The following ENOX2 variants were observed in gnomAD, a reference collection of about 807,000 sequenced individuals.
ENOX2 encodes ecto-NOX disulfide-thiol exchanger 2.
In ENOX2, 36 loss-of-function variants were observed where a neutral mutation model predicts 45.0. The ratio of observed to expected loss-of-function variants is 0.80; its 90% confidence interval spans 0.61 to 1.06. ENOX2 has a LOEUF of 1.06. Among genes scored for constraint, ENOX2 ranks in the 50% least tolerant of loss-of-function variants. The pLI is 0.00. For synonymous variants in ENOX2, 174 were observed against 152.3 expected, an observed-to-expected ratio of 1.14 and a Z score of -1.05; for missense variants, 423 against 462.5, an observed-to-expected ratio of 0.91 and a Z score of 0.78.
chrX:130,851,371 T>A (rs2148518130), intron 2 of ENOX2, among the ~76,000 whole-genome samples: 1 of 111,392 alleles, frequency 9.0e-6, no homozygotes, highest in South Asian at 3.8e-4. Flanking sequence ...CAGGCAGATG[T>A]CACCATGCCT....
intron 2 of ENOX2, among the ~76,000 whole-genome samples, chrX:130,795,039 T>C (rs1279082491): frequency 8.9e-6 from 1 of 112,310 alleles, no homozygotes; most frequent in Non-Finnish European, 1.9e-5. Context: ...TCACTAATGT[T>C]CTGGAATTAT....
chrX:130,627,742 A>G (rs1317289381), intron 14 of ENOX2, among the ~76,000 whole-genome samples: 2 of 112,171 alleles, frequency 1.8e-5, no homozygotes, highest in East Asian at 5.6e-4. Flanking sequence ...GAAAATCTCA[A>G]GTCCCAGGAA....
At chrX:130,721,685 A>G (rs1172646365) in intron 3 of ENOX2, among the ~76,000 whole-genome samples, 4 of 111,969 alleles carry the variant, frequency 3.6e-5, no homozygotes, top group Non-Finnish European at 7.5e-5. Flanking sequence ...ACAGTGGGGC[A>G]GCACTGTTAC....
At chrX:130,849,630 T>C (rs1055224851) in intron 2 of ENOX2, among the ~76,000 whole-genome samples, 9 of 111,927 alleles carry the variant, frequency 8.0e-5, no homozygotes, top group East Asian at 2.8e-4. Context: ...CATGGAACAG[T>C]TGTGAAGCAG....
chrX:130,648,074 A>C (rs775790871), intron 10 of ENOX2, among the ~76,000 whole-genome samples: 1 of 112,394 alleles, frequency 8.9e-6, no homozygotes, highest in Admixed American at 9.5e-5. Context: ...ATGTATAAGA[A>C]AGTTAAAAGG....
At chrX:130,639,613 G>A (rs1265314675) in intron 10 of ENOX2, among the ~76,000 whole-genome samples, 2 of 111,869 alleles carry the variant, frequency 1.8e-5, no homozygotes, top group Non-Finnish European at 3.8e-5. Flanking sequence ...CTCAGATATG[G>A]AAGAGATGTT....
intron 2 of ENOX2, among the ~76,000 whole-genome samples, chrX:130,811,671 A>AATC (rs1160342663): frequency 8.9e-6 from 1 of 112,634 alleles, no homozygotes; most frequent in African/African-American, 3.2e-5. Flanking sequence ...AAGGAAATAC[A>AATC]ATCCCACCAA....
intron 2 of ENOX2, among the ~76,000 whole-genome samples, chrX:130,872,483 C>T (rs915585889): frequency 8.9e-6 from 1 of 111,985 alleles, no homozygotes; most frequent in Non-Finnish European, 1.9e-5. Flanking sequence ...ATGTTTAATA[C>T]TTACAAAGTA....
intron 5 of ENOX2, among the ~76,000 whole-genome samples, chrX:130,682,798 C>G (rs1447755914): frequency 9.1e-6 from 1 of 110,095 alleles, no homozygotes; most frequent in Non-Finnish European, 1.9e-5. Context: ...TAGGGGTATG[C>G]CACCAAGCAG....
intron 2 of ENOX2, among the ~76,000 whole-genome samples, chrX:130,887,013 A>G (rs774282404): frequency 8.9e-6 from 1 of 112,128 alleles, no homozygotes; most frequent in South Asian, 3.7e-4. Flanking sequence ...CGGGACTACC[A>G]GTTTAACAGA....
chrX:130,900,905 G>A (rs992871035), intron 2 of ENOX2, among the ~76,000 whole-genome samples: 1 of 112,069 alleles, frequency 8.9e-6, no homozygotes, highest in African/African-American at 3.3e-5. Flanking sequence ...AACACTTCAC[G>A]TGGGCAGAGG....
intron 12 of ENOX2, among the ~76,000 whole-genome samples, chrX:130,634,356 T>C (rs955396911): frequency 3.6e-5 from 4 of 111,916 alleles, no homozygotes; most frequent in African/African-American, 9.7e-5. Context: ...ACCTGATTCA[T>C]GGTTGTGATA....
chrX:130,749,183 G>A (rs1476052527), intron 3 of ENOX2, among the ~76,000 whole-genome samples: 1 of 111,842 alleles, frequency 8.9e-6, no homozygotes, highest in African/African-American at 3.3e-5. Flanking sequence ...GACATTTAAA[G>A]TGAAATGCCT....
intron 3 of ENOX2, among the ~76,000 whole-genome samples, chrX:130,723,121 G>T (rs1236708036): frequency 1.8e-5 from 2 of 112,364 alleles, no homozygotes; most frequent in Non-Finnish European, 3.8e-5. Flanking sequence ...CCAGTTGGTG[G>T]TAGGAAGTCT....
chrX:130,779,441 C>T (rs2039925509), intron 3 of ENOX2, among the ~76,000 whole-genome samples: 1 of 111,597 alleles, frequency 9.0e-6, no homozygotes, highest in Admixed American at 9.5e-5. Context: ...CTATCAGTTT[C>T]CCTTGGGCAC....
At chrX:130,646,025 T>C (rs1309080614) in intron 10 of ENOX2, 1 of 575,090 alleles carries the variant, frequency 1.7e-6, no homozygotes, top group African/African-American at 2.2e-5. Context: ...TGCTGGTGAA[T>C]GGCTGCTGTA....
chrX:130,806,640 A>G (rs779439662), intron 2 of ENOX2, among the ~76,000 whole-genome samples: 4 of 112,355 alleles, frequency 3.6e-5, no homozygotes, highest in South Asian at 3.7e-4. Flanking sequence ...CACATTCATG[A>G]TATTTATTCT....
intron 3 of ENOX2, among the ~76,000 whole-genome samples, chrX:130,747,141 G>C (rs1398422305): frequency 2.7e-5 from 3 of 111,501 alleles, no homozygotes; most frequent in South Asian, 3.8e-4. Flanking sequence ...GGGAGGCAGG[G>C]GAGTCAAGCT....
At chrX:130,789,338 C>T (rs2077009095) in intron 2 of ENOX2, among the ~76,000 whole-genome samples, 1 of 112,310 alleles carries the variant, frequency 8.9e-6, no homozygotes, top group African/African-American at 3.2e-5. Flanking sequence ...ACATAGCTGT[C>T]CACTATCAGG....
Sources: allele counts gnomAD v4.1 joint callset (sites outside exome capture counted in the v4.1 genomes callset), GRCh38; gene constraint gnomAD v4.1.1; transcripts MANE v1.5; gene names NCBI Gene and HGNC (gene_info 2026-07-23, HGNC 2026-07-21).